NOCT: variants seen among roughly 807,000 people sequenced by gnomAD.
NOCT encodes nocturnin.
A neutral mutation model predicts 35.0 loss-of-function variants in NOCT; 18 were observed. The ratio of observed to expected loss-of-function variants is 0.51; its 90% CI spans 0.36 to 0.76. The LOEUF is 0.76. NOCT is among the 30% of genes least tolerant of loss of function. The probability of loss-of-function intolerance (pLI) is 0.01; values close to 1 mark genes in which losing one functional copy is unlikely to be tolerated. For synonymous variants in NOCT, 235 were observed against 226.3 expected (o/e 1.04, Z -0.34); for missense variants, 479 against 541.0 (o/e 0.89, Z 1.14).
Position 139,016,163 on chromosome 4 carries a change from C to A in NOCT, c.182C>A (p.Ser61Tyr). 7.9e-7 allele frequency: 1 copy of A among 1,263,552 alleles called. No individual in the cohort carries two copies. The highest frequency in any genetic ancestry group is 3.1e-5 in the East Asian group (1 of 31,796). The allele number at this position is 1,263,552 out of a possible 1,614,324, so 78.3% of individuals were successfully genotyped here. Residue 61 changes from serine (S) to tyrosine (Y), a missense_variant, in exon 1 of 3, where the codon TCC (serine) becomes TAC (tyrosine). Physicochemically the swap from Ser to Tyr is moderately radical, Grantham distance 144. Coordinates refer to ENST00000280614, the MANE Select transcript of NOCT (RefSeq NM_012118.4). ...GCCTCGGGCGCCGCGAGGTCGTGTT[C>A]CCGAACAGGTGAGTGCACCCCAGTT... ...SAASGAARSCSRTVCSMGTGT... is the reference protein window; with the variant it reads ...SAASGAARSCYRTVCSMGTGT...
chr4:139,034,886 G>A (rs1231754672), intron 1 of NOCT, among the ~76,000 whole-genome samples: 2 of 152,124 alleles, frequency 1.3e-5, no homozygotes, highest in African/African-American at 4.8e-5. Context: ...CTCTGGCCAT[G>A]TCATTTCATG....
chr4:139,026,738 A>G (rs1165792126), intron 1 of NOCT, among the ~76,000 whole-genome samples: 4 of 150,814 alleles, frequency 2.7e-5, no homozygotes, highest in Non-Finnish European at 5.9e-5. Context: ...TTTAGTAGAG[A>G]TGGGGTTTTT....
intron 1 of NOCT, among the ~76,000 whole-genome samples, chr4:139,038,979 A>C (rs1468854623): frequency 6.6e-6 from 1 of 152,086 alleles, no homozygotes; most frequent in African/African-American, 2.4e-5. Flanking sequence ...TGGGCCAAAA[A>C]TGGTCCTGTT....
At chr4:139,032,748 T>C (rs1726650916) in intron 1 of NOCT, among the ~76,000 whole-genome samples, 1 of 152,156 alleles carries the variant, frequency 6.6e-6, no homozygotes, top group African/African-American at 2.4e-5. Flanking sequence ...CTTTGAATAT[T>C]GAGCTATTGT....
At chr4:139,036,451 A>G (rs1049411102) in intron 1 of NOCT, among the ~76,000 whole-genome samples, 5 of 152,200 alleles carry the variant, frequency 3.3e-5, no homozygotes, top group African/African-American at 1.2e-4. Context: ...TGTGGTTTGA[A>G]TGGGGCAGAA....
At chr4:139,021,569 C>T (rs1358887018) in intron 1 of NOCT, among the ~76,000 whole-genome samples, 1 of 151,738 alleles carries the variant, frequency 6.6e-6, no homozygotes, top group Non-Finnish European at 1.5e-5. Flanking sequence ...TGAGAGGAAA[C>T]TTGAGACTGA....
chr4:139,016,102 C>A lies in NOCT; in HGVS notation c.121C>A (p.Pro41Thr). The change falls in exon 1 of 3, where the codon CCC becomes ACC. Residue 41 changes from proline (P) to threonine (T), a missense_variant. Physicochemically the swap from Pro to Thr is conservative, Grantham distance 38. Around this residue, in one of 2 missense-constraint regions of NOCT, gnomAD observed 265 missense variants for 257.0 expected, o/e 1.03. Transcript: ENST00000280614. ...GTCCCCGCCGGCTGCTGTTCCCAGG[C>A]CCGCATCCCCCCGGCTGCTGGCGGC... ...PLSPPAAVPRPASPRLLAAAS... is the reference protein window; with the variant it reads ...PLSPPAAVPRTASPRLLAAAS... 1 of 1,330,232 alleles carries A rather than the reference C, an allele frequency of 7.5e-7. No individual in the cohort carries two copies. The highest frequency in any genetic ancestry group is 9.6e-7 in the Non-Finnish European group (1 of 1,039,668). The allele number at this position is 1,330,232 out of a possible 1,614,324, so 82.4% of individuals were successfully genotyped here.
At chr4:139,030,982 T>TA (rs1308555232) in intron 1 of NOCT, among the ~76,000 whole-genome samples, 2 of 152,142 alleles carry the variant, frequency 1.3e-5, no homozygotes, top group Admixed American at 1.3e-4. Context: ...GCTTGGTTTT[T>TA]AATCAGCGTT....
intron 1 of NOCT, among the ~76,000 whole-genome samples, chr4:139,037,579 T>C (rs1239816728): frequency 6.6e-6 from 1 of 152,080 alleles, no homozygotes; most frequent in African/African-American, 2.4e-5. Flanking sequence ...CCAAGTTTTA[T>C]TAATAGGAAG....
chr4:139,026,109 T>C (rs1252841374), intron 1 of NOCT, among the ~76,000 whole-genome samples: 1 of 152,190 alleles, frequency 6.6e-6, no homozygotes, highest in African/African-American at 2.4e-5. Flanking sequence ...TTTTATTTTT[T>C]ATTTATTTTT....
chr4:139,026,361 A>G (rs1726514094), intron 1 of NOCT, among the ~76,000 whole-genome samples: 1 of 152,094 alleles, frequency 6.6e-6, no homozygotes, highest in African/African-American at 2.4e-5. Flanking sequence ...CCAGCCTCCC[A>G]AAGTGCTGGG....
At chr4:139,020,708 C>A (rs901221374) in intron 1 of NOCT, among the ~76,000 whole-genome samples, 1 of 152,144 alleles carries the variant, frequency 6.6e-6, no homozygotes, top group African/African-American at 2.4e-5. Context: ...CCCCTCCTTT[C>A]CCCAAAGGTA....
At chr4:139,035,199 T>G (rs553890897) in intron 1 of NOCT, among the ~76,000 whole-genome samples, 2 of 152,206 alleles carry the variant, frequency 1.3e-5, no homozygotes, top group African/African-American at 4.8e-5. Context: ...TGATCACAGC[T>G]CACTGCAGCC....
In NOCT at chr4:139,043,129, G is replaced by T; in HGVS notation, c.246G>T (p.Leu82=). 6.2e-7 allele frequency: 1 copy of T among 1,613,996 alleles called. No homozygotes were observed. Among genetic ancestry groups the T allele is most frequent in the African/African-American group, 1.3e-5 (1 of 75,022 alleles). Residue 82 remains leucine, a synonymous_variant, in exon 2 of 3, where the codon CTG becomes CTT. Transcript: ENST00000280614. The part of the protein sequence containing the change: ...SRLYSALAKT[L]NSSAASQHPE... ...TCTATAGTGCTCTCGCCAAGACACT[G>T]AACAGCAGCGCTGCCTCCCAGCACC...
chr4:139,043,615 GCTTT>G, intron 2 of NOCT: 1 of 324,920 alleles, frequency 3.1e-6, no homozygotes, highest in Non-Finnish European at 5.7e-6. Flanking sequence ...CGAGTTACTT[GCTTT>G]AATTGTAAAA....
At chr4:139,038,998 C>T (rs999916383) in intron 1 of NOCT, among the ~76,000 whole-genome samples, 4 of 151,892 alleles carry the variant, frequency 2.6e-5, no homozygotes, top group Admixed American at 6.6e-5. Flanking sequence ...TTAATGTATT[C>T]GTGAGTGTGT....
intron 1 of NOCT, among the ~76,000 whole-genome samples, chr4:139,035,012 T>C (rs13108158): frequency 0.97 from 147,148 of 152,352 alleles, 71,156 homozygotes; most frequent in South Asian, 0.99. Context: ...GTAACTCTCT[T>C]CTGAATGTCA....
At chr4:139,023,100 C>G (rs80187121) in intron 1 of NOCT, among the ~76,000 whole-genome samples, 1 of 134,752 alleles carries the variant, frequency 7.4e-6, no homozygotes, top group Admixed American at 7.5e-5. Context: ...GACTCCATCT[C>G]AAAAAAAAAA....
Position 139,045,586 on chromosome 4 carries a change from G to T in NOCT, c.*112G>T. The T allele has an allele frequency of 1.7e-6, 1 of 590,816 alleles. No homozygotes were observed. The highest frequency in any genetic ancestry group is 4.8e-4 in the Middle Eastern group (1 of 2,062). 36.6% of individuals were successfully genotyped at this position (590,816 alleles called of 1,614,324 possible). ...GGCTGGAGTACAGTGGCCTGATCTC[G>T]GCTCACTGCAAGATCCGCCTCCCGG... On this transcript the variant is annotated 3_prime_UTR_variant, in exon 3 of 3. Coordinates refer to ENST00000280614, the MANE Select transcript of NOCT (RefSeq NM_012118.4).
Sources: allele counts gnomAD v4.1 joint callset (sites outside exome capture counted in the v4.1 genomes callset), GRCh38; gene constraint gnomAD v4.1.1; regional missense constraint gnomAD v4.1.1; transcripts MANE v1.5; gene names NCBI Gene and HGNC (gene_info 2026-07-23, HGNC 2026-07-21).